The following SLC39A6 variants were observed in gnomAD, a reference collection of about 807,000 sequenced individuals.
SLC39A6 encodes solute carrier family 39 member 6, also known as zinc transporter ZIP6.
A neutral mutation model predicts 63.5 loss-of-function variants in SLC39A6; 51 were observed. The observed-to-expected ratio is 0.80, with a 90% CI of 0.64 to 1.01. SLC39A6 has a LOEUF of 1.01. Ranked by LOEUF, SLC39A6 falls within the 50% of genes least tolerant of loss-of-function variation. SLC39A6 has a pLI of 0.00. For synonymous variants in SLC39A6, 318 were observed against 324.7 expected (o/e 0.98, Z 0.22); for missense variants, 805 against 927.8 (o/e 0.87, Z 1.72).
In SLC39A6 at chr18:36,119,177, G is replaced by A. The variant is rs117463057; in HGVS notation, c.1360-2398C>T. Among the ~76,000 whole-genome samples, 60 of 152,238 alleles carry A rather than the reference G, an allele frequency of 3.9e-4. No individual in the cohort carries two copies. In the East Asian group the frequency reaches 0.011, roughly 27 times the overall value. On this transcript the variant is annotated intron_variant, in intron 5 of 9. Coordinates refer to ENST00000269187, the MANE Select transcript of SLC39A6 (RefSeq NM_012319.4). ...CATACTCACAATATAATGAGTAGTA[G>A]TTTTCTTTTTGAGAGAATTAGATTA...
At chr18:36,112,385 G>A in intron 8 of SLC39A6, 116 bp downstream of exon 8, 1 of 737,034 alleles carries the variant, frequency 1.4e-6, no homozygotes, top group South Asian at 1.7e-5. Flanking sequence ...CTGGTTAGCA[G>A]ACTTATGAGA....
intron 5 of SLC39A6, 49 bp downstream of exon 5, chr18:36,122,003 A>T (rs1292070131): frequency 1.5e-6 from 2 of 1,338,460 alleles, no homozygotes; most frequent in Non-Finnish European, 2.1e-6. Flanking sequence ...GAGTACTACT[A>T]TAAATAAATA....
intron 8 of SLC39A6, 35 bp from the exon 9 acceptor site, chr18:36,111,284 T>C (rs755929557): frequency 3.0e-5 from 48 of 1,597,060 alleles, no homozygotes; most frequent in South Asian, 2.5e-4. Flanking sequence ...GAAAAAGTCA[T>C]TGAGAAATCA....
In SLC39A6 at chr18:36,108,895, T is replaced by C. The variant is rs544680792; in HGVS notation, c.*698A>G. 6.1e-4 allele frequency: 93 copies of C among 152,328 alleles called. No individual in the cohort carries two copies. Among genetic ancestry groups the C allele is most frequent in the African/African-American group, 2.2e-3 (92 of 41,576 alleles). The allele number at this position is 152,328 out of a possible 1,614,324, so 9.4% of individuals were successfully genotyped here. The stretch of plus-strand genomic sequence containing the variant: ...CGAACATTTTGAAATTCCAATTTCT[T>C]GGTCAAGTGATATATTGCTTGAATT... On this transcript the variant is annotated 3_prime_UTR_variant, in exon 10 of 10. Transcript: ENST00000269187.
intron 5 of SLC39A6, among the ~76,000 whole-genome samples, chr18:36,118,775 C>T (rs1004828108): frequency 2.0e-5 from 3 of 152,184 alleles, no homozygotes; most frequent in African/African-American, 4.8e-5. Context: ...AATCACTGCC[C>T]GCTCTGTGAA....
rs1280110673 is a variant in SLC39A6, at chr18:36,114,382, C to G, written c.1558G>C (p.Ala520Pro). 1 of 1,614,070 alleles carries G rather than the reference C, an allele frequency of 6.2e-7. No homozygotes were observed. The highest frequency in any genetic ancestry group is 1.7e-5 in the Admixed American group (1 of 60,014). The change falls in exon 7 of 10, where the codon GCT (alanine) becomes CCT (proline). Residue 520 changes from alanine (A) to proline (P), a missense_variant. Transcript: ENST00000269187. ...AVLEEEEVMI[A>P]HAHPQEVYNE... The stretch of plus-strand genomic sequence containing the variant: ...TAGACTTCCTGTGGATGAGCATGAG[C>G]TATCATGACCTCTTCTTCTTCCAAG...
At chr18:36,123,766 G>A in intron 3 of SLC39A6, 102 bp from the exon 4 acceptor site, 1 of 1,178,620 alleles carries the variant, frequency 8.5e-7, no homozygotes, top group Non-Finnish European at 1.2e-6. Context: ...TAAAAGGAGA[G>A]AAGCTAAAAA....
chr18:36,122,367 A>T (rs2089401816), intron 4 of SLC39A6, 97 bp from the exon 5 acceptor site: 1 of 876,596 alleles, frequency 1.1e-6, no homozygotes, highest in African/African-American at 1.7e-5. Context: ...TCATTCAGTT[A>T]TGCAATTATT....
intron 7 of SLC39A6, among the ~76,000 whole-genome samples, chr18:36,113,583 T>C (rs1006149489): frequency 2.0e-5 from 3 of 152,230 alleles, no homozygotes; most frequent in African/African-American, 7.2e-5. Context: ...CTTCCAGCAC[T>C]AAATTATTAA....
chr18:36,112,643 G>T, intron 7 of SLC39A6, 62 bp from the exon 8 acceptor site: 2 of 1,270,162 alleles, frequency 1.6e-6, no homozygotes, highest in Non-Finnish European at 2.3e-6. Context: ...AATCTTATCA[G>T]TATGCAAAAT....
chr18:36,126,528 G>A lies in SLC39A6; in HGVS notation c.480C>T (p.Asn160=). ...GTCGGTGAGCTCCTTTCCCCTGGCT[G>A]TTTCTAGGATCTTTACCTGAACTAT... ...DSDSSGKDPR[N]SQGKGAHRPE... The change falls in exon 2 of 10, where the codon AAC becomes AAT. Residue 160 remains asparagine, a synonymous_variant. Transcript: ENST00000269187. 1 of 1,614,206 alleles carries A rather than the reference G, an allele frequency of 6.2e-7. No individual in the cohort carries two copies. The highest frequency in any genetic ancestry group is 1.7e-5 in the Admixed American group (1 of 60,032).
intron 9 of SLC39A6, 163 bp downstream of exon 9, chr18:36,110,896 T>C (rs1389079862): frequency 4.2e-6 from 5 of 1,193,806 alleles, no homozygotes; most frequent in Non-Finnish European, 2.3e-6. Context: ...GAGGCTGAGA[T>C]GGAAGGATCA....
At chr18:36,123,107 C>A (rs2089407556) in intron 4 of SLC39A6, among the ~76,000 whole-genome samples, 1 of 152,148 alleles carries the variant, frequency 6.6e-6, no homozygotes, top group African/African-American at 2.4e-5. Flanking sequence ...CATACATAAA[C>A]ATTCAACTCT....
In SLC39A6 at chr18:36,114,398, T is replaced by C. The variant is rs376737057; in HGVS notation, c.1542A>G (p.Glu514=). The change falls in exon 7 of 10, where the codon GAA becomes GAG. Residue 514 remains glutamate, a synonymous_variant. Transcript: ENST00000269187. ...GAGCATGAGCTATCATGACCTCTTC[T>C]TCTTCCAAGACTGCAGGCTGCTGAG... The part of the protein sequence containing the change: ...FDSQQPAVLE[E]EEVMIAHAHP... 496 of 1,614,116 alleles carry C rather than the reference T, an allele frequency of 3.1e-4. No individual in the cohort carries two copies. The highest frequency in any genetic ancestry group is 4.0e-4 in the Non-Finnish European group (476 of 1,180,050).
intron 6 of SLC39A6, among the ~76,000 whole-genome samples, chr18:36,115,599 C>T (rs1236372833): frequency 1.3e-5 from 2 of 152,064 alleles, no homozygotes; most frequent in African/African-American, 2.4e-5. Flanking sequence ...ACCTGCACAA[C>T]AAGAGGAGGA....
At chr18:36,122,784 G>C (rs1306826370) in intron 4 of SLC39A6, among the ~76,000 whole-genome samples, 1 of 152,184 alleles carries the variant, frequency 6.6e-6, no homozygotes, top group East Asian at 1.9e-4. Context: ...TAAGATACTG[G>C]GGGATCACAG....
chr18:36,119,590 T>C (rs1789550), intron 5 of SLC39A6, among the ~76,000 whole-genome samples: 45,581 of 150,228 alleles, frequency 0.3, 7,343 homozygotes, highest in Middle Eastern at 0.47. Flanking sequence ...GGTTATGACA[T>C]ACAGATTGAT....
chr18:36,115,374 G>A (rs539527055), intron 6 of SLC39A6, among the ~76,000 whole-genome samples: 50 of 151,890 alleles, frequency 3.3e-4, no homozygotes, highest in South Asian at 2.1e-3. Context: ...CCCGGGAGGC[G>A]GAGCTTGCAG....
intron 8 of SLC39A6, among the ~76,000 whole-genome samples, chr18:36,112,250 C>A (rs780850100): frequency 2.0e-5 from 3 of 152,214 alleles, no homozygotes; most frequent in Non-Finnish European, 4.4e-5. Context: ...CACAACTCAT[C>A]CACTTCCCTT....
Sources: gnomAD v4.1 joint callset for allele counts (sites outside exome capture counted in the v4.1 genomes callset) on GRCh38, gnomAD v4.1.1 for gene constraint, MANE v1.5 for transcripts, NCBI Gene and HGNC (gene_info 2026-07-23, HGNC 2026-07-21) for gene names.